ARHGEF9: variants seen among roughly 807,000 people sequenced by gnomAD.
ARHGEF9 encodes the protein Cdc42 guanine nucleotide exchange factor 9, also known as rho guanine nucleotide exchange factor 9.
A neutral mutation model predicts 41.3 loss-of-function variants in ARHGEF9; 2 were observed. The observed-to-expected ratio is 0.05, with a 90% CI of 0.02 to 0.15. The LOEUF is 0.15. Ranked by LOEUF, ARHGEF9 falls within the 10% of genes least tolerant of loss-of-function variation. The pLI, the probability that ARHGEF9 is intolerant of heterozygous loss-of-function variation, is 1.00. For missense variants in ARHGEF9, 225 were observed against 424.7 expected (o/e 0.53, Z 4.13); for synonymous variants, 160 against 154.4 (o/e 1.04, Z -0.27).
At chrX:63,751,842 CCA>C (rs1491383851) in intron 1 of ARHGEF9, among the ~76,000 whole-genome samples, 2 of 110,219 alleles carry the variant, frequency 1.8e-5, no homozygotes, top group Non-Finnish European at 3.8e-5. Context: ...GTGCTCCCCC[CCA>C]CACACCCCCA....
At chrX:63,736,546 T>A (rs2054622446) in intron 1 of ARHGEF9, among the ~76,000 whole-genome samples, 1 of 111,394 alleles carries the variant, frequency 9.0e-6, no homozygotes. Flanking sequence ...TTCTTACAGG[T>A]AAGAAAAATG....
rs1168039334 is a variant in ARHGEF9 at position 63,754,779 on chromosome X, C to T, written c.31-30068G>A. On this transcript the variant is annotated intron_variant, in intron 1 of 9. Coordinates refer to ENST00000671741, the MANE Select transcript of ARHGEF9 (RefSeq NM_001353921.2). ...GGGATGGGGACGGGGTGCTTGGTTCCCCCCTTCTCAGGATTGGGCTGATCG... is the reference window on the plus strand; with the variant it reads ...GGGATGGGGACGGGGTGCTTGGTTCTCCCCTTCTCAGGATTGGGCTGATCG... 6 of 950,399 alleles carry T rather than the reference C, an allele frequency of 6.3e-6. No homozygotes were observed. The African/African-American group carries it at 1.0e-4, about 16-fold the overall frequency. The allele number at this position is 950,399 out of a possible 1,213,427, so 78.3% of individuals were successfully genotyped here.
intron 1 of ARHGEF9, among the ~76,000 whole-genome samples, chrX:63,770,376 T>C (rs1444678794): frequency 1.8e-5 from 2 of 112,423 alleles, no homozygotes; most frequent in Non-Finnish European, 3.8e-5. Context: ...ATTTCTCCCA[T>C]TTAAAATGGC....
chrX:63,691,652 A>T (rs1460865159), intron 4 of ARHGEF9, among the ~76,000 whole-genome samples: 3 of 111,500 alleles, frequency 2.7e-5, no homozygotes, highest in Non-Finnish European at 5.7e-5. Flanking sequence ...TACAGATTAA[A>T]TGCAATCTCT....
chrX:63,696,170 C>A (rs1435158944), intron 4 of ARHGEF9, among the ~76,000 whole-genome samples: 1 of 112,075 alleles, frequency 8.9e-6, no homozygotes, highest in Non-Finnish European at 1.9e-5. Flanking sequence ...AGGGAACCCA[C>A]CCCAACACAG....
intron 1 of ARHGEF9, among the ~76,000 whole-genome samples, chrX:63,780,469 C>T (rs1432676364): frequency 2.7e-5 from 3 of 111,122 alleles, no homozygotes; most frequent in Non-Finnish European, 5.7e-5. Context: ...GCAATGGGAG[C>T]AGACAACCCT....
chrX:63,635,651 G>A lies in ARHGEF9; in HGVS notation c.*2377C>T, dbSNP rs782778944. The A allele has an allele frequency of 1.2e-4, 39 of 324,065 alleles. No individual in the cohort carries two copies. The highest frequency in any genetic ancestry group is 2.0e-4 in the Non-Finnish European group (38 of 190,860). 26.7% of individuals were successfully genotyped at this position (324,065 alleles called of 1,213,427 possible). A position where few individuals can be genotyped will look rare whatever the true frequency, so the allele number is the denominator to read the frequency against. ...AGTGGGTTCAGTAGAGGAGAAGTGCGGGTTGAGAAGTAATATCCCTGATCC... is the reference window on the plus strand; with the variant it reads ...AGTGGGTTCAGTAGAGGAGAAGTGCAGGTTGAGAAGTAATATCCCTGATCC... On this transcript the variant is annotated 3_prime_UTR_variant, in exon 10 of 10. Transcript: ENST00000671741.
At chrX:63,644,520 GA>G (rs1730253620) in intron 8 of ARHGEF9, among the ~76,000 whole-genome samples, 1 of 110,026 alleles carries the variant, frequency 9.1e-6, no homozygotes, top group South Asian at 3.8e-4. Context: ...CGGTTAAGGG[GA>G]AAAAAAGGAT....
At chrX:63,680,536 G>C (rs1330330857) in intron 4 of ARHGEF9, among the ~76,000 whole-genome samples, 1 of 112,244 alleles carries the variant, frequency 8.9e-6, no homozygotes, top group African/African-American at 3.2e-5. Context: ...GGAAACAGCA[G>C]AGAGCAAAGA....
chrX:63,739,090 A>T (rs1429154839), intron 1 of ARHGEF9, among the ~76,000 whole-genome samples: 1 of 111,486 alleles, frequency 9.0e-6, no homozygotes, highest in East Asian at 2.8e-4. Context: ...TTATCCCTCA[A>T]CTATTAGCAC....
chrX:63,681,580 T>A (rs1257752779), intron 4 of ARHGEF9, among the ~76,000 whole-genome samples: 2 of 109,877 alleles, frequency 1.8e-5, no homozygotes, highest in Non-Finnish European at 3.8e-5. Context: ...ACATACCAAA[T>A]CCTTTGGGAT....
intron 3 of ARHGEF9, among the ~76,000 whole-genome samples, chrX:63,705,210 T>C (rs2052448983): frequency 2.7e-5 from 3 of 111,022 alleles, no homozygotes; most frequent in South Asian, 7.6e-4. Context: ...ATAAGAACTT[T>C]GAAAAATGTT....
intron 1 of ARHGEF9, among the ~76,000 whole-genome samples, chrX:63,736,218 C>A (rs1437886059): frequency 8.9e-6 from 1 of 111,779 alleles, no homozygotes; most frequent in Admixed American, 9.5e-5. Flanking sequence ...ACCCTCAAAG[C>A]TCAGAAGGGA....
chrX:63,699,664 C>A (rs1182558256), intron 3 of ARHGEF9, among the ~76,000 whole-genome samples: 1 of 111,684 alleles, frequency 9.0e-6, no homozygotes, highest in Non-Finnish European at 1.9e-5. Context: ...GAAGAATGCC[C>A]ACAGGATGGT....
intron 1 of ARHGEF9, among the ~76,000 whole-genome samples, chrX:63,760,591 A>G (rs1490242195): frequency 1.8e-5 from 2 of 111,478 alleles, no homozygotes; most frequent in Admixed American, 1.9e-4. Context: ...GTGATGAATA[A>G]AGTTGTTGAT....
intron 2 of ARHGEF9, among the ~76,000 whole-genome samples, chrX:63,710,947 A>G (rs1293382287): frequency 8.9e-6 from 1 of 111,803 alleles, no homozygotes; most frequent in Non-Finnish European, 1.9e-5. Flanking sequence ...TCCACCAAAA[A>G]AAAACCTTTT....
At chrX:63,657,878 A>AC (rs2048970066) in intron 7 of ARHGEF9, 1 of 112,066 alleles carries the variant, frequency 8.9e-6, no homozygotes, top group Non-Finnish European at 1.9e-5. Flanking sequence ...ATTGTGCCTT[A>AC]CCATACATAA....
At chrX:63,731,021 T>C (rs1170879706) in intron 1 of ARHGEF9, among the ~76,000 whole-genome samples, 2 of 112,151 alleles carry the variant, frequency 1.8e-5, no homozygotes, top group African/African-American at 6.5e-5. Flanking sequence ...GAAATATTAG[T>C]GTTTTAATAA....
chrX:63,735,196 C>T (rs190002767), intron 1 of ARHGEF9, among the ~76,000 whole-genome samples: 12 of 111,740 alleles, frequency 1.1e-4, no homozygotes, highest in Admixed American at 8.5e-4. Context: ...ATCCCTTAGG[C>T]GACCTAAACT....
Sources: gnomAD v4.1 joint callset for allele counts (sites outside exome capture counted in the v4.1 genomes callset) on GRCh38, gnomAD v4.1.1 for gene constraint, MANE v1.5 for transcripts, NCBI Gene and HGNC (gene_info 2026-07-23, HGNC 2026-07-21) for gene names.